Variants in HIVEP1 observed in about 807,000 individuals in gnomAD.
HIVEP1 encodes the protein HIVEP zinc finger 1, also known as zinc finger protein 40.
A neutral mutation model predicts 180.0 loss-of-function variants in HIVEP1; 36 were observed. The ratio of observed to expected loss-of-function variants is 0.20; its 90% CI spans 0.15 to 0.26. HIVEP1 has a LOEUF of 0.26. Among genes scored for constraint, HIVEP1 ranks in the 10% least tolerant of loss-of-function variants. HIVEP1 has a pLI of 1.00. For synonymous variants in HIVEP1, 1,239 were observed against 1,239.0 expected (o/e 1.00, Z 0.00); for missense variants, 3,143 against 3,268.7 (o/e 0.96, Z 0.94).
chr6:12,174,482 G>T, the HIVEP1 span, among the ~76,000 whole-genome samples: 5 of 152,004 alleles, frequency 3.3e-5, no homozygotes, highest in African/African-American at 1.2e-4. Context: ...AGTACCCCCA[G>T]GTCAGTGCTC....
chr6:12,041,121 T>C (rs1232659713), intron 2 of HIVEP1, among the ~76,000 whole-genome samples: 1 of 152,128 alleles, frequency 6.6e-6, no homozygotes, highest in Non-Finnish European at 1.5e-5. Context: ...TCTTTCTGTT[T>C]TTAGAAATAA....
rs1216008252 is a variant in HIVEP1 at position 12,123,855 on chromosome 6, C to G, written c.4060C>G (p.Leu1354Val). ...FLMIPAGLNT[L>V]NVPGCHREMR... The stretch of plus-strand genomic sequence containing the variant: ...TATGATTCCAGCTGGCTTGAATACT[C>G]TGAATGTTCCTGGATGTCACCGGGA... The change falls in exon 4 of 9, where the codon CTG (leucine) becomes GTG (valine). Residue 1354 changes from leucine to valine, a missense_variant. By Grantham distance (32) the Leu-to-Val change is conservative. Coordinates refer to ENST00000379388, the MANE Select transcript of HIVEP1 (RefSeq NM_002114.4). 1.2e-6 allele frequency: 2 copies of G among 1,614,132 alleles called. No homozygotes were observed. Among genetic ancestry groups the G allele is most frequent in the African/African-American group, 1.3e-5 (1 of 75,044 alleles).
At chr6:12,191,950 CATGAT>C in the HIVEP1 span, among the ~76,000 whole-genome samples, 1 of 152,166 alleles carries the variant, frequency 6.6e-6, no homozygotes, top group Non-Finnish European at 1.5e-5. Flanking sequence ...GGCCAGAAAA[CATGAT>C]AAAGTATGTT....
At chr6:12,127,588 G>A (rs1333596336) in intron 4 of HIVEP1, among the ~76,000 whole-genome samples, 3 of 152,182 alleles carry the variant, frequency 2.0e-5, no homozygotes, top group African/African-American at 7.2e-5. Flanking sequence ...AGATTCTTTT[G>A]TGTAGAGTAG....
At chr6:12,167,893 C>A (rs1225001381), downstream of HIVEP1, among the ~76,000 whole-genome samples, 1 of 135,786 alleles carries the variant, frequency 7.4e-6, no homozygotes, top group Admixed American at 7.7e-5. Flanking sequence ...TATAGATGTG[C>A]GTATATAATA....
At chr6:12,188,725 T>G in the HIVEP1 span, among the ~76,000 whole-genome samples, 1 of 152,016 alleles carries the variant, frequency 6.6e-6, no homozygotes, top group Non-Finnish European at 1.5e-5. Context: ...ATGGTATGCC[T>G]TATTCCTGAG....
At chr6:12,017,628 TGTTTTACAGAGAGCTGATTGGTCC>T (rs541860177) in intron 2 of HIVEP1, among the ~76,000 whole-genome samples, 6,407 of 152,272 alleles carry the variant, frequency 0.042, 179 homozygotes, top group Middle Eastern at 0.16. Context: ...CCGATTGGTC[TGTTTTACAGAGAGCTGATTGGTCC>T]ATTTTGACAG....
At position 12,117,026 on chromosome 6, in the gene HIVEP1, T is replaced by C. The variant is rs191576773; in HGVS notation, c.95-2864T>C. Among the ~76,000 whole-genome samples, 456 of 152,296 alleles carry C rather than the reference T, an allele frequency of 3.0e-3. 4 individuals carry two copies. Among genetic ancestry groups the C allele is most frequent in the African/African-American group, 0.01 (428 of 41,550 alleles). ...TGAATAAATATGAAACAGTAAAGAATTTAATGGTGTGACAATTCAGTTGTC... is the reference window on the plus strand; with the variant it reads ...TGAATAAATATGAAACAGTAAAGAACTTAATGGTGTGACAATTCAGTTGTC... On this transcript the variant is annotated intron_variant, in intron 3 of 8. Transcript: ENST00000379388.
chr6:12,089,862 A>G (rs924822037), intron 3 of HIVEP1, among the ~76,000 whole-genome samples: 2 of 152,052 alleles, frequency 1.3e-5, no homozygotes, highest in African/African-American at 4.8e-5. Context: ...ATATGTATAT[A>G]TATATACGCA....
At chr6:12,040,004 C>A (rs1165684766) in intron 2 of HIVEP1, among the ~76,000 whole-genome samples, 1 of 152,094 alleles carries the variant, frequency 6.6e-6, no homozygotes, top group Non-Finnish European at 1.5e-5. Context: ...GGCGAGGATT[C>A]TGATGCTGGG....
intron 2 of HIVEP1, among the ~76,000 whole-genome samples, chr6:12,016,234 G>A (rs538234473): frequency 6.6e-6 from 1 of 152,178 alleles, no homozygotes; most frequent in African/African-American, 2.4e-5. Flanking sequence ...AGACAGAAAA[G>A]TGTGTGTTTT....
intron 2 of HIVEP1, among the ~76,000 whole-genome samples, chr6:12,071,782 T>G (rs1771984141): frequency 6.6e-6 from 1 of 152,174 alleles, no homozygotes; most frequent in Non-Finnish European, 1.5e-5. Context: ...TTACTAAGAT[T>G]TAGGGTTGTA....
chr6:12,081,834 T>TC (rs1772808658), intron 2 of HIVEP1, among the ~76,000 whole-genome samples: 4 of 152,040 alleles, frequency 2.6e-5, no homozygotes, highest in African/African-American at 9.7e-5. Context: ...CTTTCTTCTC[T>TC]CCCCTCTCTC....
At chr6:12,085,514 A>T (rs1248987826) in intron 2 of HIVEP1, among the ~76,000 whole-genome samples, 2 of 152,176 alleles carry the variant, frequency 1.3e-5, no homozygotes. Context: ...ATTTGTAAGG[A>T]TACACTAAAG....
At chr6:12,194,121 T>C in the HIVEP1 span, among the ~76,000 whole-genome samples, 1 of 152,178 alleles carries the variant, frequency 6.6e-6, no homozygotes, top group Non-Finnish European at 1.5e-5. Flanking sequence ...AAGTATATCA[T>C]TAATGATGTT....
chr6:12,103,469 A>C (rs1211172777), intron 3 of HIVEP1, among the ~76,000 whole-genome samples: 2 of 152,116 alleles, frequency 1.3e-5, no homozygotes, highest in Admixed American at 6.5e-5. Flanking sequence ...ATTTGAGAAA[A>C]AGTGAGCGGA....
At chr6:12,155,877 C>CAG (rs1312011942) in intron 7 of HIVEP1, among the ~76,000 whole-genome samples, 1 of 152,166 alleles carries the variant, frequency 6.6e-6, no homozygotes, top group Admixed American at 6.6e-5. Context: ...CTAGCAGTGT[C>CAG]AAAGCATTCC....
chr6:12,057,543 A>G (rs1017893322), intron 2 of HIVEP1, among the ~76,000 whole-genome samples: 3 of 152,206 alleles, frequency 2.0e-5, no homozygotes, highest in African/African-American at 7.2e-5. Flanking sequence ...AGGAACTTGA[A>G]GAGGTTACCT....
intron 6 of HIVEP1, 97 bp from the exon 7 acceptor site, chr6:12,135,694 G>A (rs1252957234): frequency 2.6e-6 from 2 of 755,018 alleles, no homozygotes; most frequent in Non-Finnish European, 4.6e-6. Flanking sequence ...ACCACAATCT[G>A]TACTTTTGCT....
Sources: gnomAD v4.1 joint callset for allele counts (sites outside exome capture counted in the v4.1 genomes callset) on GRCh38, gnomAD v4.1.1 for gene constraint, MANE v1.5 for transcripts, NCBI Gene and HGNC (gene_info 2026-07-23, HGNC 2026-07-21) for gene names.